Variants in MAGI2 observed in about 807,000 individuals in gnomAD.
MAGI2 encodes membrane-associated guanylate kinase, WW and PDZ domain-containing protein 2.
A neutral mutation model predicts 133.3 loss-of-function variants in MAGI2; 35 were observed. The observed-to-expected ratio is 0.26, with a 90% CI of 0.20 to 0.35. The LOEUF (loss-of-function observed/expected upper bound fraction) is 0.35, where lower values mean the gene tolerates loss of function less well. Among genes scored for constraint, MAGI2 ranks in the 10% least tolerant of loss-of-function variants. The pLI, the probability that MAGI2 is intolerant of heterozygous loss-of-function variation, is 1.00. For synonymous variants in MAGI2, 729 were observed against 710.6 expected (o/e 1.03, Z -0.41); for missense variants, 1,636 against 1,863.4 (o/e 0.88, Z 2.25).
At position 79,097,085 on chromosome 7, in the gene MAGI2, T is replaced by G. The variant is rs532727358; in HGVS notation, c.302-89879A>C. 1.8e-3 allele frequency among the ~76,000 whole-genome samples: 269 copies of G among 152,308 alleles called. 1 individual carries two copies. Among genetic ancestry groups the G allele is most frequent in the Admixed American group, 3.5e-3 (54 of 15,298 alleles). On this transcript the variant is annotated intron_variant, in intron 1 of 21. Coordinates refer to ENST00000354212, the MANE Select transcript of MAGI2 (RefSeq NM_012301.4). Reference sequence around the variant, plus strand: ...TTATTAGTATATTTAAAATTACACTTATTATTATTAGCTAATCCTCACTGA... The same window carrying G: ...TTATTAGTATATTTAAAATTACACTGATTATTATTAGCTAATCCTCACTGA...
chr7:79,170,317 C>A (rs1314287989), intron 1 of MAGI2, among the ~76,000 whole-genome samples: 2 of 151,356 alleles, frequency 1.3e-5, no homozygotes, highest in Non-Finnish European at 2.9e-5. Flanking sequence ...GGACTACAGG[C>A]ATGTGCCACC....
intron 10 of MAGI2, among the ~76,000 whole-genome samples, chr7:78,250,767 AGCT>A (rs1220648323): frequency 6.6e-6 from 1 of 152,098 alleles, no homozygotes; most frequent in African/African-American, 2.4e-5. Flanking sequence ...TACAAATAAA[AGCT>A]CAGACTAGAT....
intron 1 of MAGI2, among the ~76,000 whole-genome samples, chr7:79,106,836 T>C (rs1818493626): frequency 6.6e-6 from 1 of 152,238 alleles, no homozygotes; most frequent in African/African-American, 2.4e-5. Flanking sequence ...CTGATCTCTT[T>C]CTTTCTAGCT....
chr7:79,279,842 T>A (rs772534938), intron 1 of MAGI2, among the ~76,000 whole-genome samples: 1 of 152,296 alleles, frequency 6.6e-6, no homozygotes, highest in Admixed American at 6.5e-5. Context: ...GCTTAATTTG[T>A]CACAAAACTA....
chr7:79,015,998 C>CGGGGGGGG (rs376196136), intron 1 of MAGI2, among the ~76,000 whole-genome samples: 1 of 25,718 alleles, frequency 3.9e-5, no homozygotes, highest in Non-Finnish European at 8.3e-5. Flanking sequence ...CCTGGAGAAG[C>CGGGGGGGG]GGGGGGGGGG....
intron 2 of MAGI2, among the ~76,000 whole-genome samples, chr7:78,726,896 T>C (rs1820868078): frequency 6.6e-6 from 1 of 152,004 alleles, no homozygotes; most frequent in Admixed American, 6.6e-5. Flanking sequence ...TCTTAGATGG[T>C]TACTAAATTC....
intron 21 of MAGI2, among the ~76,000 whole-genome samples, chr7:78,034,025 T>C (rs1809894557): frequency 6.6e-6 from 1 of 152,192 alleles, no homozygotes; most frequent in Admixed American, 6.5e-5. Flanking sequence ...CAACTTATTG[T>C]GGTGTTTTAG....
At chr7:79,227,670 G>A (rs1209844718) in intron 1 of MAGI2, among the ~76,000 whole-genome samples, 1 of 152,108 alleles carries the variant, frequency 6.6e-6, no homozygotes, top group Non-Finnish European at 1.5e-5. Context: ...ACATATAGGT[G>A]TATCCTAAAT....
At chr7:78,067,354 G>T (rs1003930353) in intron 21 of MAGI2, among the ~76,000 whole-genome samples, 2 of 152,174 alleles carry the variant, frequency 1.3e-5, no homozygotes, top group Non-Finnish European at 2.9e-5. Flanking sequence ...GAAATAAATT[G>T]CTGTGAAGGC....
chr7:78,588,213 G>A (rs1044416475), intron 3 of MAGI2, among the ~76,000 whole-genome samples: 5 of 152,106 alleles, frequency 3.3e-5, no homozygotes, highest in Non-Finnish European at 5.9e-5. Context: ...TTTGTTATGT[G>A]ACAATTAACT....
At chr7:78,826,544 G>C (rs535314544) in intron 2 of MAGI2, among the ~76,000 whole-genome samples, 3 of 152,074 alleles carry the variant, frequency 2.0e-5, no homozygotes, top group Non-Finnish European at 4.4e-5. Flanking sequence ...GACAAATTTT[G>C]TAGTGGTGAA....
At chr7:78,381,123 G>A (rs1794881632) in intron 6 of MAGI2, among the ~76,000 whole-genome samples, 2 of 152,144 alleles carry the variant, frequency 1.3e-5, no homozygotes, top group Admixed American at 1.3e-4. Flanking sequence ...GAGGCTGGCG[G>A]ACCACTTGAG....
intron 1 of MAGI2, among the ~76,000 whole-genome samples, chr7:79,392,922 A>T (rs1055227960): frequency 6.6e-6 from 1 of 152,186 alleles, no homozygotes; most frequent in Non-Finnish European, 1.5e-5. Flanking sequence ...GAAGAACAAA[A>T]ATGATTTTAA....
intron 6 of MAGI2, among the ~76,000 whole-genome samples, chr7:78,450,391 G>A (rs1348105881): frequency 6.6e-6 from 1 of 152,146 alleles, no homozygotes; most frequent in East Asian, 1.9e-4. Context: ...TAAAAGATGG[G>A]AAGTTATTCA....
chr7:78,184,981 C>T (rs1356266791), intron 13 of MAGI2, among the ~76,000 whole-genome samples: 3 of 152,106 alleles, frequency 2.0e-5, no homozygotes, highest in Admixed American at 1.3e-4. Context: ...GTCTAAATTG[C>T]AAATCTCTTG....
At chr7:79,143,761 T>G (rs1822354257) in intron 1 of MAGI2, among the ~76,000 whole-genome samples, 2 of 152,196 alleles carry the variant, frequency 1.3e-5, no homozygotes, top group Non-Finnish European at 1.5e-5. Context: ...GAACAATAGT[T>G]AAAACATTAC....
At chr7:78,679,350 A>G (rs1188064333) in intron 2 of MAGI2, among the ~76,000 whole-genome samples, 1 of 152,156 alleles carries the variant, frequency 6.6e-6, no homozygotes, top group Non-Finnish European at 1.5e-5. Context: ...CAGAAACCAA[A>G]TATTTTTCAT....
chr7:78,549,102 C>T (rs1362874512), intron 3 of MAGI2, among the ~76,000 whole-genome samples: 1 of 152,104 alleles, frequency 6.6e-6, no homozygotes, highest in Non-Finnish European at 1.5e-5. Context: ...AGTAGGTTTC[C>T]TGTTTGAGAG....
chr7:78,815,830 T>C (rs1159631275), intron 2 of MAGI2, among the ~76,000 whole-genome samples: 1 of 152,176 alleles, frequency 6.6e-6, no homozygotes, highest in Admixed American at 6.5e-5. Context: ...CTTTATTCTC[T>C]AAGACTTAAC....
Sources: allele counts gnomAD v4.1 joint callset (sites outside exome capture counted in the v4.1 genomes callset), GRCh38; gene constraint gnomAD v4.1.1; transcripts MANE v1.5; gene names NCBI Gene and HGNC (gene_info 2026-07-23, HGNC 2026-07-21).